SLC6A3: variants seen among roughly 807,000 people sequenced by gnomAD.
SLC6A3 encodes the protein sodium-dependent dopamine transporter.
In SLC6A3, 19 loss-of-function variants were observed where a neutral mutation model predicts 70.4. The observed-to-expected ratio is 0.27, with a 90% CI of 0.19 to 0.40. The LOEUF is 0.40. Among genes scored for constraint, SLC6A3 ranks in the 10% least tolerant of loss-of-function variants. The probability of loss-of-function intolerance (pLI) is 1.00; values close to 1 mark genes in which losing one functional copy is unlikely to be tolerated. For missense variants in SLC6A3, 613 were observed against 838.5 expected (o/e 0.73, Z 3.32); for synonymous variants, 368 against 356.6 (o/e 1.03, Z -0.36).
chr5:1,433,559 G>A (rs990723052), intron 3 of SLC6A3, among the ~76,000 whole-genome samples: 10 of 150,540 alleles, frequency 6.6e-5, no homozygotes, highest in African/African-American at 1.7e-4. Context: ...GGCCATCCAC[G>A]GCCATCCACA....
intron 3 of SLC6A3, among the ~76,000 whole-genome samples, chr5:1,435,773 G>A (rs1474425112): frequency 3.7e-5 from 5 of 133,874 alleles, no homozygotes; most frequent in African/African-American, 1.4e-4. Context: ...CCTGGGTGAG[G>A]AAATGGCTCC....
At chr5:1,415,553 T>G (rs28382254) in intron 7 of SLC6A3, among the ~76,000 whole-genome samples, 22 of 152,276 alleles carry the variant, frequency 1.4e-4, no homozygotes, top group Admixed American at 5.9e-4. Flanking sequence ...TCTAGCCTCA[T>G]GATGTGAAAG....
rs767453645 is a variant in SLC6A3 at position 1,420,665 on chromosome 5, G to A, written c.831C>T (p.Leu277=). 6.2e-7 allele frequency: 1 copy of A among 1,613,642 alleles called. No homozygotes were observed. The highest frequency in any genetic ancestry group is 1.7e-5 in the Admixed American group (1 of 60,030). ...TGACCCCACGCAGGAGCAGGGCAGTGAGGACCACGTATGGCATGGTGGCTG... is the reference window on the plus strand; with the variant it reads ...TGACCCCACGCAGGAGCAGGGCAGTAAGGACCACGTATGGCATGGTGGCTG... ...WITATMPYVV[L]TALLLRGVTL... is the part of the protein sequence containing the mutation. Residue 277 remains leucine (L), a synonymous_variant, in exon 6 of 15, where the codon CTC becomes CTT. Transcript: ENST00000270349.
rs918927758 is a variant in SLC6A3, at chr5:1,408,749, C to T, written c.1498+277G>A. On this transcript the variant is annotated intron_variant, in intron 11 of 14. Transcript: ENST00000270349. This position sits in a 1 kb window ranked among gnomAD's most constrained non-coding sequence, Gnocchi z 6.4. ...TGTGTTCCCCTGGGTGGGATGGGCT[C>T]ACCGGTGCCTCTAGCGTGGAGGAGG... 6.6e-6 allele frequency among the ~76,000 whole-genome samples: 1 copy of T among 152,236 alleles called. No individual in the cohort carries two copies. The highest frequency in any genetic ancestry group is 1.5e-5 in the Non-Finnish European group (1 of 68,038).
At chr5:1,422,149 G>T in intron 4 of SLC6A3, 135 bp from the exon 5 acceptor site, 1 of 978,234 alleles carries the variant, frequency 1.0e-6, no homozygotes, top group Non-Finnish European at 1.5e-6. Flanking sequence ...GACAAGAGAT[G>T]CCTTCCAGGG....
At chr5:1,417,523 C>T (rs1397727097) in intron 6 of SLC6A3, among the ~76,000 whole-genome samples, 2 of 152,248 alleles carry the variant, frequency 1.3e-5, no homozygotes, top group Non-Finnish European at 2.9e-5. Context: ...GACACTGGTG[C>T]TGTGCCTGCC....
rs183497779 is a variant in SLC6A3, at chr5:1,403,014, C to T, written c.1675G>A (p.Ala559Thr). The T allele has an allele frequency of 2.0e-5, 33 of 1,614,054 alleles. 1 individual carries two copies. The highest frequency in any genetic ancestry group is 8.8e-5 in the South Asian group (8 of 91,084). ...GATGTGGCGATGACCCAGCCCAGCG[C>T]GTTGGCCCAGTCGGGGAAGATGTAG... ...GAYIFPDWANALGWVIATSSM... is the reference protein window; with the variant it reads ...GAYIFPDWANTLGWVIATSSM... The change falls in exon 13 of 15, where the codon GCG becomes ACG. Residue 559 changes from alanine (A) to threonine (T), a missense_variant. Transcript: ENST00000270349.
intron 14 of SLC6A3, among the ~76,000 whole-genome samples, chr5:1,400,637 G>A (rs1755826285): frequency 6.6e-6 from 1 of 152,180 alleles, no homozygotes; most frequent in Non-Finnish European, 1.5e-5. Flanking sequence ...CTGCTCCCGT[G>A]GTCTGGGACA....
At chr5:1,416,252 A>C in intron 6 of SLC6A3, 51 bp from the exon 7 acceptor site, 1 of 1,400,878 alleles carries the variant, frequency 7.1e-7, no homozygotes, top group Non-Finnish European at 1.0e-6. Flanking sequence ...CGCAGGCCAC[A>C]GGCAAAGGAC....
In SLC6A3 at chr5:1,401,018, C is replaced by A. The variant is rs1389592977; in HGVS notation, c.1768-32G>T. The A allele has an allele frequency of 1.3e-6, 2 of 1,523,470 alleles. No homozygotes were observed. Among genetic ancestry groups the A allele is most frequent in the Non-Finnish European group, 1.8e-6 (2 of 1,112,206 alleles). 94.4% of individuals were successfully genotyped at this position (1,523,470 alleles called of 1,614,324 possible). ...GAGAAAGAGAGTGCAGGGGTCAGTG[C>A]AGACCAGTACCCACTGCCAGCACCC... On this transcript the variant is annotated intron_variant, in intron 13 of 14. Transcript: ENST00000270349. The surrounding 1 kb of genome is among the most constrained non-coding windows in gnomAD (Gnocchi z 6.1).
chr5:1,430,068 T>C lies in SLC6A3; in HGVS notation c.653+2396A>G, dbSNP rs73030189. On this transcript the variant is annotated intron_variant, in intron 4 of 14. Transcript: ENST00000270349. The stretch of plus-strand genomic sequence containing the variant: ...CCTGCAGCTGCGCTTCCTATGGCGA[T>C]GCTCGTCCAAGTGTCTTCAGGCAAA... Among the ~76,000 whole-genome samples the C allele has an allele frequency of 3.1e-3, 474 of 152,258 alleles. 5 individuals are homozygous for C. The highest frequency in any genetic ancestry group is 0.011 in the African/African-American group (452 of 41,548).
chr5:1,400,131 C>A (rs571525809), intron 14 of SLC6A3, among the ~76,000 whole-genome samples: 25 of 152,202 alleles, frequency 1.6e-4, no homozygotes, highest in Non-Finnish European at 3.5e-4. Flanking sequence ...ATTAGGCTGA[C>A]ATTAGTGTAT....
In SLC6A3 at chr5:1,401,372, C is replaced by A; in HGVS notation, c.1768-386G>T. 6.6e-6 allele frequency: 3 copies of A among 456,268 alleles called. No homozygotes were observed. The highest frequency in any genetic ancestry group is 1.7e-5 in the South Asian group (1 of 59,114). 28.3% of individuals were successfully genotyped at this position (456,268 alleles called of 1,614,324 possible). On this transcript the variant is annotated intron_variant, in intron 13 of 14. Transcript: ENST00000270349. The surrounding 1 kb of genome is among the most constrained non-coding windows in gnomAD (Gnocchi z 6.1). The stretch of plus-strand genomic sequence containing the variant: ...CACACCCAGGTGGGCTGCCTCGGGG[C>A]CACCTGCAGCTGACATATTCCGGGA...
chr5:1,400,118 G>A (rs1001820167), intron 14 of SLC6A3, among the ~76,000 whole-genome samples: 4 of 152,206 alleles, frequency 2.6e-5, no homozygotes, highest in Admixed American at 6.5e-5. Context: ...CTCTGCTGTC[G>A]GCATTAGGCT....
intron 4 of SLC6A3, among the ~76,000 whole-genome samples, chr5:1,428,869 A>G (rs1236186539): frequency 2.6e-5 from 4 of 152,032 alleles, no homozygotes; most frequent in Admixed American, 2.0e-4. Flanking sequence ...CCTGTAGTAA[A>G]AACGCACGAT....
chr5:1,429,961 CTG>C lies in SLC6A3; in HGVS notation c.653+2501_653+2502del, dbSNP rs561088026. 1.6e-4 allele frequency among the ~76,000 whole-genome samples: 25 copies of C among 152,330 alleles called. No homozygotes were observed. In the East Asian group the frequency reaches 4.6e-3, roughly 28 times the overall value. ...AAATCTACTTGGACAAATGGTGTGA[CTG>C]TGCATTATTTGGACAATTTTATCAT... On this transcript the variant is annotated intron_variant, in intron 4 of 14. Transcript: ENST00000270349.
rs372460224 is a variant in SLC6A3, at chr5:1,411,148, C to T, written c.1269+95G>A. On this transcript the variant is annotated intron_variant, in intron 9 of 14. Transcript: ENST00000270349. The surrounding 1 kb of genome is among the most constrained non-coding windows in gnomAD (Gnocchi z 6.5). ...AGGAGGTCTGGGGGCCGTACGTGAG[C>T]CCAGGGATCTTGCCTAGCCCTGGGA... The T allele has an allele frequency of 2.3e-6, 2 of 865,368 alleles. No individual in the cohort carries two copies. The highest frequency in any genetic ancestry group is 1.4e-5 in the South Asian group (1 of 70,682). 53.6% of individuals were successfully genotyped at this position (865,368 alleles called of 1,614,324 possible). A position where few individuals can be genotyped will look rare whatever the true frequency, so the allele number is the denominator to read the frequency against.
rs3842031 is a variant in SLC6A3, at chr5:1,432,851, A to AG, written c.419-154dup. On this transcript the variant is annotated intron_variant, in intron 3 of 14. Transcript: ENST00000270349. The stretch of plus-strand genomic sequence containing the variant: ...TGCCAGACAGCATCTTCAAACATGC[A>AG]GGGAAGGCCCGTGAAAGGCCTGAGA... 0.31 allele frequency among the ~76,000 whole-genome samples: 47,252 copies of AG among 151,922 alleles called. 8,307 individuals are homozygous for AG. Among genetic ancestry groups the AG allele is most frequent in the East Asian group, 0.53 (2,714 of 5,146 alleles).
At position 1,393,269 on chromosome 5, in the gene SLC6A3, T is replaced by C. The variant is rs993647128; in HGVS notation, c.*1466A>G. 5 of 152,390 alleles carry C rather than the reference T, an allele frequency of 3.3e-5. No homozygotes were observed. The highest frequency in any genetic ancestry group is 7.3e-5 in the Non-Finnish European group (5 of 68,048). The allele number at this position is 152,390 out of a possible 1,614,324, so 9.4% of individuals were successfully genotyped here. On this transcript the variant is annotated 3_prime_UTR_variant, in exon 15 of 15. Transcript: ENST00000270349. ...CGACTTGAGGCATGAATTCAAACTA[T>C]GGCATCCACTTTCCTGTCAGTGGCA...
Sources: allele counts gnomAD v4.1 joint callset (sites outside exome capture counted in the v4.1 genomes callset), GRCh38; gene constraint gnomAD v4.1.1; non-coding constraint Gnocchi (gnomAD v3.1); transcripts MANE v1.5; gene names NCBI Gene and HGNC (gene_info 2026-07-23, HGNC 2026-07-21).